Variants in VRK2 observed in about 807,000 individuals in gnomAD.
VRK2 encodes VRK serine/threonine kinase 2.
A neutral mutation model predicts 57.6 loss-of-function variants in VRK2; 60 were observed. The observed-to-expected ratio is 1.04, with a 90% confidence interval of 0.85 to 1.29. VRK2 has a LOEUF of 1.29. Among genes scored for constraint, VRK2 ranks in the 50% most tolerant of loss-of-function variants. The pLI, the probability that VRK2 is intolerant of heterozygous loss-of-function variation, is 0.00. For synonymous variants in VRK2, 231 were observed against 199.2 expected (o/e 1.16, Z -1.35); for missense variants, 705 against 588.1 (o/e 1.20, Z -2.06).
chr2:58,158,464 G>T (rs1684361445), intron 12 of VRK2, among the ~76,000 whole-genome samples: 1 of 152,124 alleles, frequency 6.6e-6, no homozygotes, highest in African/African-American at 2.4e-5. Context: ...AGAAAGGGGA[G>T]GGCTGTTTGT....
intron 1 of VRK2, among the ~76,000 whole-genome samples, chr2:57,967,107 A>C (rs1175107104): frequency 1.3e-5 from 2 of 152,220 alleles, no homozygotes; most frequent in Admixed American, 6.5e-5. Context: ...TAAATGTATT[A>C]TCAAACTAAC....
At chr2:58,141,433 C>G (rs926834706) in intron 11 of VRK2, among the ~76,000 whole-genome samples, 1 of 151,826 alleles carries the variant, frequency 6.6e-6, no homozygotes, top group Non-Finnish European at 1.5e-5. Context: ...ACATAAAACA[C>G]TTTTTCCAAT....
At chr2:58,076,706 GT>G (rs1473212657) in intron 2 of VRK2, among the ~76,000 whole-genome samples, 1 of 150,900 alleles carries the variant, frequency 6.6e-6, no homozygotes, top group Non-Finnish European at 1.5e-5. Context: ...TTTATCATTA[GT>G]TTTTTTCAAA....
intron 1 of VRK2, among the ~76,000 whole-genome samples, chr2:57,918,633 C>A (rs1040287316): frequency 1.3e-5 from 2 of 152,016 alleles, no homozygotes; most frequent in African/African-American, 2.4e-5. Context: ...GTGAAAGCAC[C>A]CATCTAAGCA....
chr2:58,100,241 A>G (rs1300289803), intron 7 of VRK2, among the ~76,000 whole-genome samples: 2 of 151,986 alleles, frequency 1.3e-5, no homozygotes, highest in Non-Finnish European at 2.9e-5. Flanking sequence ...GTTTGTAAGA[A>G]TTTTGCATGG....
In VRK2 at chr2:58,140,060, G is replaced by A. The variant is rs544292019; in HGVS notation, c.1023+228G>A. On this transcript the variant is annotated intron_variant, in intron 11 of 12. Coordinates refer to ENST00000340157, the MANE Select transcript of VRK2 (RefSeq NM_006296.7). ...CTACTATGTACTATGAAAGAAAGCA[G>A]TCACTACTGTCATAGAGATGTGACT... 4.6e-5 allele frequency among the ~76,000 whole-genome samples: 7 copies of A among 152,148 alleles called. No individual in the cohort carries two copies. In the South Asian group the frequency reaches 1.5e-3, roughly 32 times the overall value.
chr2:58,102,064 G>GGGAAAGATCTACCCAATGTGT (rs1165214804), intron 7 of VRK2, among the ~76,000 whole-genome samples: 40 of 151,394 alleles, frequency 2.6e-4, no homozygotes, highest in African/African-American at 9.7e-4. Flanking sequence ...AATTCCCATT[G>GGGAAAGATCTACCCAATGTGT]GGAAAGATCT....
chr2:58,130,573 T>TTA (rs895090374), intron 8 of VRK2, among the ~76,000 whole-genome samples: 5 of 152,214 alleles, frequency 3.3e-5, no homozygotes, highest in African/African-American at 1.2e-4. Flanking sequence ...TTATAATAAC[T>TTA]TATACATGGT....
intron 3 of VRK2, chr2:58,041,192 C>T (rs1424833158): frequency 1.1e-5 from 4 of 366,762 alleles, no homozygotes; most frequent in Non-Finnish European, 1.5e-5. Context: ...ATTTGGTTTA[C>T]TACATTCAAT....
chr2:57,984,538 T>C (rs766600948), intron 1 of VRK2, among the ~76,000 whole-genome samples: 1 of 152,138 alleles, frequency 6.6e-6, no homozygotes, highest in East Asian at 1.9e-4. Context: ...CACACACTTT[T>C]AAAAGTTTGA....
intron 2 of VRK2, among the ~76,000 whole-genome samples, chr2:58,067,581 T>C (rs530693275): frequency 6.6e-6 from 1 of 152,252 alleles, no homozygotes; most frequent in South Asian, 2.1e-4. Flanking sequence ...AGCTCTTGGT[T>C]TCATTTACTC....
At chr2:58,098,004 T>G (rs1673406479) in intron 7 of VRK2, among the ~76,000 whole-genome samples, 1 of 152,044 alleles carries the variant, frequency 6.6e-6, no homozygotes, top group South Asian at 2.1e-4. Flanking sequence ...TTATTGCCCC[T>G]GAAGACCTTC....
intron 1 of VRK2, among the ~76,000 whole-genome samples, chr2:57,998,997 T>C (rs1323738883): frequency 6.6e-6 from 1 of 152,166 alleles, no homozygotes; most frequent in Non-Finnish European, 1.5e-5. Flanking sequence ...TTTTGTAGAA[T>C]TGTGTGTATA....
At chr2:58,098,125 AT>A (rs1409023313) in intron 7 of VRK2, among the ~76,000 whole-genome samples, 4 of 152,086 alleles carry the variant, frequency 2.6e-5, no homozygotes, top group African/African-American at 9.7e-5. Flanking sequence ...ATTTAAAAAA[AT>A]AAAAAAGAAA....
chr2:58,032,239 G>A (rs572368752), intron 2 of VRK2, among the ~76,000 whole-genome samples: 8 of 151,948 alleles, frequency 5.3e-5, no homozygotes, highest in East Asian at 1.9e-4. Context: ...TAAGTGTCCC[G>A]GTATGTTGTC....
intron 1 of VRK2, among the ~76,000 whole-genome samples, chr2:57,992,719 G>A (rs1417435713): frequency 6.6e-6 from 1 of 151,872 alleles, no homozygotes; most frequent in Non-Finnish European, 1.5e-5. Context: ...TGTATTTTTA[G>A]TAGAGACGGG....
At chr2:58,056,185 G>A (rs1034248003) in intron 2 of VRK2, among the ~76,000 whole-genome samples, 1 of 151,812 alleles carries the variant, frequency 6.6e-6, no homozygotes, top group Non-Finnish European at 1.5e-5. Flanking sequence ...AAGACCAGCT[G>A]TGGCCAAGAG....
At chr2:58,094,015 T>C (rs1418845560) in intron 7 of VRK2, among the ~76,000 whole-genome samples, 2 of 152,182 alleles carry the variant, frequency 1.3e-5, no homozygotes, top group South Asian at 2.1e-4. Context: ...TTCTGTTCCA[T>C]TGGTCTATAT....
chr2:58,048,532 T>TATAC, intron 1 of VRK2: 1 of 1,353,432 alleles, frequency 7.4e-7, no homozygotes, highest in Non-Finnish European at 9.8e-7. Flanking sequence ...TTAAGGTGTG[T>TATAC]CCTGCACTGT....
Sources: allele counts gnomAD v4.1 joint callset (sites outside exome capture counted in the v4.1 genomes callset), GRCh38; gene constraint gnomAD v4.1.1; transcripts MANE v1.5; gene names NCBI Gene and HGNC (gene_info 2026-07-23, HGNC 2026-07-21).